GALNT13: variants seen among roughly 807,000 people sequenced by gnomAD.
GALNT13 encodes the protein UDP-GalNAc:polypeptide N-acetylgalactosaminyltransferase 13.
Under a neutral mutation model 64.2 loss-of-function variants are expected in GALNT13, and 28 were observed. That is an observed-to-expected ratio of 0.44 (90% confidence interval 0.32 to 0.60). GALNT13 has a LOEUF of 0.60. Ranked by LOEUF, GALNT13 falls within the 20% of genes least tolerant of loss-of-function variation. The probability of loss-of-function intolerance (pLI) is 0.05; values close to 1 mark genes in which losing one functional copy is unlikely to be tolerated. For synonymous variants in GALNT13, 214 were observed against 224.6 expected (o/e 0.95, Z 0.42); for missense variants, 577 against 669.8 (o/e 0.86, Z 1.53).
chr2:153,386,560 C>T, the GALNT13 span, among the ~76,000 whole-genome samples: 2 of 151,900 alleles, frequency 1.3e-5, no homozygotes, highest in Non-Finnish European at 2.9e-5. Flanking sequence ...TGAGTTGGGC[C>T]AGAGAGCAAC....
the GALNT13 span, among the ~76,000 whole-genome samples, chr2:153,715,649 A>G: frequency 2.6e-5 from 4 of 152,234 alleles, no homozygotes; most frequent in African/African-American, 4.8e-5. Flanking sequence ...AATGGCTGAT[A>G]TAAAGCATTC....
At chr2:153,682,283 C>T in the GALNT13 span, among the ~76,000 whole-genome samples, 3 of 151,684 alleles carry the variant, frequency 2.0e-5, no homozygotes, top group Non-Finnish European at 4.4e-5. Flanking sequence ...TTTAAATCCT[C>T]CTGCTGATTT....
chr2:153,439,596 G>A, the GALNT13 span, among the ~76,000 whole-genome samples: 3 of 152,194 alleles, frequency 2.0e-5, no homozygotes, highest in African/African-American at 4.8e-5. Context: ...GGAAGGCTCC[G>A]TGGGCATAGG....
intron 3 of GALNT13, among the ~76,000 whole-genome samples, chr2:154,086,817 A>G (rs1195114887): frequency 6.6e-6 from 1 of 152,156 alleles, no homozygotes; most frequent in East Asian, 1.9e-4. Context: ...TTGATGCCCT[A>G]ATAAAGTAAC....
chr2:153,693,414 A>G, the GALNT13 span, among the ~76,000 whole-genome samples: 1 of 152,190 alleles, frequency 6.6e-6, no homozygotes, highest in South Asian at 2.1e-4. Context: ...AATTAGGTGT[A>G]TATAGCAGTA....
At chr2:154,161,641 A>G (rs1418578630) in intron 4 of GALNT13, among the ~76,000 whole-genome samples, 1 of 152,192 alleles carries the variant, frequency 6.6e-6, no homozygotes, top group Admixed American at 6.5e-5. Context: ...TTAAATGTTT[A>G]CTACCTTTAA....
intron 3 of GALNT13, among the ~76,000 whole-genome samples, chr2:154,030,260 A>G (rs141128002): frequency 8.5e-4 from 129 of 152,266 alleles, no homozygotes; most frequent in African/African-American, 3.0e-3. Context: ...TCAAATTGCT[A>G]AACACCGAAG....
At chr2:153,208,973 C>CTTTTTTTTTTTTTTTTTTTTTTTTT in the GALNT13 span, among the ~76,000 whole-genome samples, 2 of 74,682 alleles carry the variant, frequency 2.7e-5, no homozygotes, top group African/African-American at 5.8e-5. Flanking sequence ...TGGTTTTGGT[C>CTTTTTTTTTTTTTTTTTTTTTTTTT]TTTTTTTTTT....
At chr2:154,379,494 A>G (rs1490943437) in intron 9 of GALNT13, among the ~76,000 whole-genome samples, 1 of 152,076 alleles carries the variant, frequency 6.6e-6, no homozygotes, top group Non-Finnish European at 1.5e-5. Context: ...AACATTGTCT[A>G]ATAGTCTCCT....
At chr2:154,218,320 T>C (rs1688151621) in intron 4 of GALNT13, among the ~76,000 whole-genome samples, 1 of 152,018 alleles carries the variant, frequency 6.6e-6, no homozygotes, top group Non-Finnish European at 1.5e-5. Context: ...TTCCTCAGTC[T>C]CCAAACCCTC....
chr2:153,720,704 G>A, the GALNT13 span, among the ~76,000 whole-genome samples: 37 of 150,910 alleles, frequency 2.5e-4, no homozygotes, highest in African/African-American at 8.5e-4. Flanking sequence ...TGGAAGAAAG[G>A]GTATCAGCAA....
At chr2:153,638,152 A>T in the GALNT13 span, among the ~76,000 whole-genome samples, 5 of 152,122 alleles carry the variant, frequency 3.3e-5, no homozygotes. Context: ...GGTGGCTGGA[A>T]TAGAGTGAGT....
At chr2:154,047,492 G>A (rs572748914) in intron 3 of GALNT13, among the ~76,000 whole-genome samples, 2 of 152,216 alleles carry the variant, frequency 1.3e-5, no homozygotes, top group African/African-American at 4.8e-5. Flanking sequence ...CTTGGAAGCT[G>A]GGTAACAATG....
intron 12 of GALNT13, among the ~76,000 whole-genome samples, chr2:154,445,596 T>C (rs532629156): frequency 6.6e-6 from 1 of 151,878 alleles, no homozygotes; most frequent in African/African-American, 2.4e-5. Context: ...TAGTTACAGT[T>C]TTAATATTAA....
the GALNT13 span, among the ~76,000 whole-genome samples, chr2:153,779,593 T>G: frequency 1.3e-5 from 2 of 152,196 alleles, no homozygotes; most frequent in African/African-American, 4.8e-5. Context: ...TTTCATATTC[T>G]TATAAGCAGG....
chr2:153,122,506 C>T, the GALNT13 span, among the ~76,000 whole-genome samples: 1 of 152,140 alleles, frequency 6.6e-6, no homozygotes, highest in Non-Finnish European at 1.5e-5. Flanking sequence ...ATGTGCTAAC[C>T]TTAATGTTCC....
chr2:153,285,348 A>G, the GALNT13 span, among the ~76,000 whole-genome samples: 1 of 152,204 alleles, frequency 6.6e-6, no homozygotes, highest in East Asian at 1.9e-4. Context: ...TCATAGGTAT[A>G]CATATACATA....
At chr2:153,822,056 A>G in the GALNT13 span, among the ~76,000 whole-genome samples, 2 of 152,200 alleles carry the variant, frequency 1.3e-5, no homozygotes, top group Non-Finnish European at 2.9e-5. Flanking sequence ...CCCTGAACAG[A>G]CAAGTATGAG....
chr2:153,756,709 T>C, the GALNT13 span, among the ~76,000 whole-genome samples: 4 of 152,120 alleles, frequency 2.6e-5, no homozygotes, highest in East Asian at 5.8e-4. Context: ...CATTTTAGAA[T>C]GTACCATTGA....
Sources: gnomAD v4.1 joint callset for allele counts (sites outside exome capture counted in the v4.1 genomes callset) on GRCh38, gnomAD v4.1.1 for gene constraint, MANE v1.5 for transcripts, NCBI Gene and HGNC (gene_info 2026-07-23, HGNC 2026-07-21) for gene names.